The following MSRA variants were observed in gnomAD, a reference collection of about 807,000 sequenced individuals.
MSRA encodes methionine sulfoxide reductase A, also known as mitochondrial peptide methionine sulfoxide reductase.
A neutral mutation model predicts 31.3 loss-of-function variants in MSRA; 54 were observed. The ratio of observed to expected loss-of-function variants is 1.73; its 90% confidence interval spans 1.39 to 2.17. The LOEUF (loss-of-function observed/expected upper bound fraction) is 2.17. MSRA is among the 30% of genes most tolerant of loss of function. The probability of loss-of-function intolerance (pLI) is 0.00; values close to 1 mark genes in which losing one functional copy is unlikely to be tolerated. For missense variants in MSRA, 507 were observed against 300.9 expected, an observed-to-expected ratio of 1.69 and a Z score of -5.07; for synonymous variants, 169 against 116.5, an observed-to-expected ratio of 1.45 and a Z score of -2.90.
intron 5 of MSRA, among the ~76,000 whole-genome samples, chr8:10,401,369 C>T (rs1031814199): frequency 1.3e-5 from 2 of 152,106 alleles, no homozygotes; most frequent in African/African-American, 4.8e-5. Flanking sequence ...CCACTTCAGA[C>T]CCATTAGGAC....
chr8:10,148,264 G>A (rs1233760365), intron 1 of MSRA, among the ~76,000 whole-genome samples: 1 of 151,652 alleles, frequency 6.6e-6, no homozygotes, highest in Non-Finnish European at 1.5e-5. Flanking sequence ...TTCATATAAT[G>A]CACCCTGCTT....
intron 1 of MSRA, among the ~76,000 whole-genome samples, chr8:10,139,467 C>T (rs369332160): frequency 2.0e-5 from 3 of 152,198 alleles, no homozygotes; most frequent in South Asian, 2.1e-4. Context: ...TTACTGTAGC[C>T]GTCACCCAAA....
At chr8:10,386,104 G>C (rs987696062) in intron 5 of MSRA, among the ~76,000 whole-genome samples, 1 of 152,216 alleles carries the variant, frequency 6.6e-6, no homozygotes, top group African/African-American at 2.4e-5. Flanking sequence ...AAGTGCCTGT[G>C]TGCCATTGCC....
At chr8:10,186,948 AT>A (rs773049293) in intron 1 of MSRA, among the ~76,000 whole-genome samples, 1 of 152,072 alleles carries the variant, frequency 6.6e-6, no homozygotes, top group Admixed American at 6.5e-5. Context: ...AGTCATTCCG[AT>A]TGTTGATCTT....
chr8:10,333,605 T>G (rs1039501471), intron 5 of MSRA, among the ~76,000 whole-genome samples: 4 of 152,138 alleles, frequency 2.6e-5, no homozygotes, highest in Non-Finnish European at 4.4e-5. Context: ...GGCTACTTCT[T>G]AGGCAGTTAT....
chr8:10,074,072 T>A (rs1352467001), intron 1 of MSRA, among the ~76,000 whole-genome samples: 1 of 91,898 alleles, frequency 1.1e-5, no homozygotes, highest in African/African-American at 4.5e-5. Flanking sequence ...TTTTTTTTTT[T>A]TTTTTTTTTT....
intron 5 of MSRA, among the ~76,000 whole-genome samples, chr8:10,339,643 G>T (rs920475631): frequency 7.1e-6 from 1 of 140,032 alleles, no homozygotes; most frequent in Non-Finnish European, 1.5e-5. Flanking sequence ...CCAGGTTCAC[G>T]CCATTCTCCT....
At chr8:10,204,170 G>C (rs77524643) in intron 1 of MSRA, among the ~76,000 whole-genome samples, 1,623 of 152,208 alleles carry the variant, frequency 0.011, 31 homozygotes, top group African/African-American at 0.037. Context: ...TATTACAACA[G>C]TCGAAAAGTA....
At chr8:10,258,259 CAAAG>C (rs1798287381) in intron 3 of MSRA, among the ~76,000 whole-genome samples, 1 of 151,968 alleles carries the variant, frequency 6.6e-6, no homozygotes, top group African/African-American at 2.4e-5. Flanking sequence ...GTGTCTCTCT[CAAAG>C]AGAACAAGAA....
chr8:10,325,153 G>T (rs1370617788), intron 5 of MSRA, among the ~76,000 whole-genome samples: 1 of 152,152 alleles, frequency 6.6e-6, no homozygotes, highest in Non-Finnish European at 1.5e-5. Flanking sequence ...CTCCGATCCA[G>T]GGAAGGCAGC....
intron 5 of MSRA, among the ~76,000 whole-genome samples, chr8:10,396,889 G>C (rs1807129419): frequency 1.3e-5 from 2 of 152,196 alleles, no homozygotes; most frequent in Admixed American, 1.3e-4. Flanking sequence ...GAATTATTCA[G>C]TTTGACATCT....
At chr8:10,408,608 A>G (rs1807965207) in intron 5 of MSRA, among the ~76,000 whole-genome samples, 1 of 152,208 alleles carries the variant, frequency 6.6e-6, no homozygotes, top group South Asian at 2.1e-4. Flanking sequence ...GTTTAAATGT[A>G]AGGGGCACAA....
At chr8:10,422,457 A>T (rs980427467) in intron 5 of MSRA, among the ~76,000 whole-genome samples, 1 of 152,220 alleles carries the variant, frequency 6.6e-6, no homozygotes, top group Non-Finnish European at 1.5e-5. Context: ...TCATTGAGGA[A>T]GAGTCTGTGA....
chr8:10,143,152 G>C (rs888547110), intron 1 of MSRA, among the ~76,000 whole-genome samples: 3 of 152,150 alleles, frequency 2.0e-5, no homozygotes, highest in Non-Finnish European at 4.4e-5. Flanking sequence ...CGTCGTTTTG[G>C]TTTGTCCTCT....
chr8:10,165,526 G>T (rs937108799), intron 1 of MSRA, among the ~76,000 whole-genome samples: 1 of 152,204 alleles, frequency 6.6e-6, no homozygotes, highest in Non-Finnish European at 1.5e-5. Context: ...CAGGCTGGGT[G>T]GGGAGAGGGG....
At chr8:10,059,855 T>C (rs1000448050) in intron 1 of MSRA, among the ~76,000 whole-genome samples, 1 of 152,216 alleles carries the variant, frequency 6.6e-6, no homozygotes, top group Admixed American at 6.5e-5. Flanking sequence ...AAAAGTACAA[T>C]TGGCTTTTAA....
intron 3 of MSRA, among the ~76,000 whole-genome samples, chr8:10,263,675 A>ACACCT (rs147806557): frequency 0.014 from 2,131 of 152,226 alleles, 49 homozygotes; most frequent in African/African-American, 0.049. Context: ...GCTGGACTCA[A>ACACCT]CACCTTGGGT....
intron 2 of MSRA, among the ~76,000 whole-genome samples, chr8:10,223,039 G>GTA (rs1353174737): frequency 6.6e-6 from 1 of 152,126 alleles, no homozygotes; most frequent in Non-Finnish European, 1.5e-5. Flanking sequence ...TCCACAGTGT[G>GTA]TATATATATC....
rs569033233 is a variant in MSRA at position 10,417,661 on chromosome 8, A to T, written c.544-10487A>T. 2.8e-4 allele frequency among the ~76,000 whole-genome samples: 43 copies of T among 151,052 alleles called. No individual in the cohort carries two copies. The South Asian group carries it at 8.3e-3, about 29-fold the overall frequency. ...CCCAGTCATTTCACATTTTTTTTTT[A>T]AAGTTTTGATTGACATCTATTTGGT... On this transcript the variant is annotated intron_variant, in intron 5 of 5. Coordinates refer to ENST00000317173, the MANE Select transcript of MSRA (RefSeq NM_012331.5).
Sources: gnomAD v4.1 joint callset for allele counts (sites outside exome capture counted in the v4.1 genomes callset) on GRCh38, gnomAD v4.1.1 for gene constraint, MANE v1.5 for transcripts, NCBI Gene and HGNC (gene_info 2026-07-23, HGNC 2026-07-21) for gene names.